Variants in GPR158 observed in about 807,000 individuals in gnomAD.
The protein encoded by GPR158 is G protein-coupled receptor 158, also known as metabotropic glycine receptor.
GPR158 carries 30 observed loss-of-function variants against 78.2 expected under a neutral mutation model. The observed-to-expected ratio is 0.38, with a 90% CI of 0.29 to 0.52. GPR158 has a LOEUF of 0.52. Among genes scored for constraint, GPR158 ranks in the 20% least tolerant of loss-of-function variants. GPR158 has a pLI of 0.83. For synonymous variants in GPR158, 581 were observed against 591.1 expected (o/e 0.98, Z 0.25); for missense variants, 1,463 against 1,523.5 (o/e 0.96, Z 0.66).
chr10:25,532,385 A>G (rs973807901), intron 5 of GPR158, among the ~76,000 whole-genome samples: 4 of 152,160 alleles, frequency 2.6e-5, no homozygotes, highest in Non-Finnish European at 4.4e-5. Context: ...TTTTGCCTCT[A>G]TCATTTAATT....
chr10:25,471,979 T>C (rs1421163625), intron 5 of GPR158, among the ~76,000 whole-genome samples: 1 of 152,208 alleles, frequency 6.6e-6, no homozygotes, highest in African/African-American at 2.4e-5. Flanking sequence ...AGATCCCATT[T>C]GTCAATTTTG....
intron 2 of GPR158, among the ~76,000 whole-genome samples, chr10:25,307,440 G>A (rs1413765704): frequency 1.4e-5 from 2 of 143,614 alleles, no homozygotes; most frequent in Non-Finnish European, 3.0e-5. Flanking sequence ...TTGGAATGCA[G>A]TGGGACCATC....
chr10:25,415,020 A>G (rs746975013), intron 4 of GPR158, among the ~76,000 whole-genome samples: 20 of 152,138 alleles, frequency 1.3e-4, no homozygotes, highest in Non-Finnish European at 2.5e-4. Flanking sequence ...ATATACAAAA[A>G]TTAAATTAAA....
At chr10:25,340,391 G>C (rs1855285932) in intron 2 of GPR158, among the ~76,000 whole-genome samples, 2 of 152,110 alleles carry the variant, frequency 1.3e-5, no homozygotes, top group Admixed American at 1.3e-4. Context: ...AGGATACTCA[G>C]GAAATAAATA....
intron 2 of GPR158, among the ~76,000 whole-genome samples, chr10:25,311,385 T>C (rs1224483652): frequency 6.6e-6 from 1 of 151,936 alleles, no homozygotes; most frequent in Admixed American, 6.6e-5. Flanking sequence ...AGGCTTTGCA[T>C]TTTTGTTGTG....
chr10:25,541,811 T>G (rs1189241437), intron 5 of GPR158, among the ~76,000 whole-genome samples: 1 of 151,600 alleles, frequency 6.6e-6, no homozygotes, highest in Admixed American at 6.6e-5. Context: ...TCAAGGAAAA[T>G]TATCGGCTTA....
intron 5 of GPR158, among the ~76,000 whole-genome samples, chr10:25,523,393 G>T (rs1426934564): frequency 6.6e-6 from 1 of 152,240 alleles, no homozygotes; most frequent in Non-Finnish European, 1.5e-5. Flanking sequence ...AGCATGGCTA[G>T]CCAGGGAGCC....
intron 1 of GPR158, among the ~76,000 whole-genome samples, chr10:25,187,784 G>A (rs1464637017): frequency 6.6e-6 from 1 of 152,150 alleles, no homozygotes; most frequent in Admixed American, 6.5e-5. Flanking sequence ...TCTGGCCAGG[G>A]CAATCAGGCA....
chr10:25,371,631 G>A lies in GPR158; in HGVS notation c.1009-24280G>A, dbSNP rs1466151271. Among the ~76,000 whole-genome samples, 46 of 140,814 alleles carry A rather than the reference G, an allele frequency of 3.3e-4. No homozygotes were observed. In the East Asian group the frequency reaches 7.7e-3, roughly 24 times the overall value. The allele number at this position is 140,814 out of a possible 152,430, so 92.4% of individuals were successfully genotyped here. A position where few individuals can be genotyped will look rare whatever the true frequency, so the allele number is the denominator to read the frequency against. On this transcript the variant is annotated intron_variant, in intron 2 of 10. Transcript: ENST00000376351. ...AAGGATTCCCTATTTAATAAATGGC[G>A]CTGGGAAAACTGGCTAGCCATATGG...
At chr10:25,314,293 G>A (rs1469872481) in intron 2 of GPR158, among the ~76,000 whole-genome samples, 1 of 151,992 alleles carries the variant, frequency 6.6e-6, no homozygotes, top group South Asian at 2.1e-4. Flanking sequence ...TAGAGACGGG[G>A]TTTCACCATG....
chr10:25,281,290 G>C (rs1854269354), intron 2 of GPR158, among the ~76,000 whole-genome samples: 1 of 151,652 alleles, frequency 6.6e-6, no homozygotes, highest in Non-Finnish European at 1.5e-5. Context: ...TAGGCTGGAT[G>C]GGGTGGCTCA....
At chr10:25,253,302 C>T (rs1246872557) in intron 2 of GPR158, among the ~76,000 whole-genome samples, 3 of 152,158 alleles carry the variant, frequency 2.0e-5, no homozygotes, top group African/African-American at 7.2e-5. Context: ...GAGCTGTAGA[C>T]CGGAGCAGTT....
chr10:25,522,862 G>T (rs74727306), intron 5 of GPR158, among the ~76,000 whole-genome samples: 3 of 152,170 alleles, frequency 2.0e-5, no homozygotes, highest in African/African-American at 7.2e-5. Context: ...CATAGTGATT[G>T]TAACAAAATT....
chr10:25,255,420 C>T (rs954230119), intron 2 of GPR158, among the ~76,000 whole-genome samples: 1 of 152,188 alleles, frequency 6.6e-6, no homozygotes, highest in African/African-American at 2.4e-5. Context: ...TTTTGTAGGT[C>T]AGAAGCCTAG....
intron 2 of GPR158, among the ~76,000 whole-genome samples, chr10:25,368,475 T>C (rs113095480): frequency 5.3e-4 from 80 of 151,932 alleles, no homozygotes; most frequent in Non-Finnish European, 1.0e-3. Flanking sequence ...CCAATGATCA[T>C]ATGGAAAAAA....
At chr10:25,224,021 A>G (rs1853338093) in intron 2 of GPR158, among the ~76,000 whole-genome samples, 1 of 152,172 alleles carries the variant, frequency 6.6e-6, no homozygotes, top group Admixed American at 6.5e-5. Flanking sequence ...CAATGACAAA[A>G]GCCTCAGGAG....
chr10:25,210,268 G>A (rs1020941350), intron 1 of GPR158, among the ~76,000 whole-genome samples: 2 of 151,964 alleles, frequency 1.3e-5, no homozygotes, highest in Admixed American at 6.6e-5. Context: ...ACACAAATCT[G>A]CTTTAAAAAT....
At chr10:25,283,645 C>T (rs1167312549) in intron 2 of GPR158, among the ~76,000 whole-genome samples, 1 of 151,880 alleles carries the variant, frequency 6.6e-6, no homozygotes, top group Non-Finnish European at 1.5e-5. Context: ...TACTCTTTCT[C>T]CTTACTTGGG....
intron 5 of GPR158, among the ~76,000 whole-genome samples, chr10:25,508,603 G>A (rs1477958005): frequency 6.6e-6 from 1 of 152,140 alleles, no homozygotes; most frequent in Non-Finnish European, 1.5e-5. Context: ...AAGAATGTTT[G>A]CAAGGTCAGT....
Sources: allele counts gnomAD v4.1 joint callset (sites outside exome capture counted in the v4.1 genomes callset), GRCh38; gene constraint gnomAD v4.1.1; transcripts MANE v1.5; gene names NCBI Gene and HGNC (gene_info 2026-07-23, HGNC 2026-07-21).